CNTN3: variants seen among roughly 807,000 people sequenced by gnomAD.
The protein encoded by CNTN3 is contactin 3.
In CNTN3, 60 loss-of-function variants were observed where a neutral mutation model predicts 119.1. The ratio of observed to expected loss-of-function variants is 0.50; its 90% CI spans 0.41 to 0.62. CNTN3 has a LOEUF of 0.62. Ranked by LOEUF, CNTN3 falls within the 20% of genes least tolerant of loss-of-function variation. The pLI is 0.00. For synonymous variants in CNTN3, 450 were observed against 438.7 expected, an observed-to-expected ratio of 1.03 and a Z score of -0.32; for missense variants, 1,101 against 1,242.4, an observed-to-expected ratio of 0.89 and a Z score of 1.71.
chr3:74,462,827 C>A (rs1164765080), intron 4 of CNTN3, among the ~76,000 whole-genome samples: 1 of 152,096 alleles, frequency 6.6e-6, no homozygotes, highest in East Asian at 1.9e-4. Context: ...AGGATAAAGC[C>A]TGTCCTCACA....
intron 5 of CNTN3, among the ~76,000 whole-genome samples, chr3:74,373,024 G>A (rs755507646): frequency 1.1e-4 from 17 of 152,182 alleles, no homozygotes; most frequent in Non-Finnish European, 2.2e-4. Flanking sequence ...CAGACATCCA[G>A]AAACATTGGT....
At chr3:74,293,396 G>C (rs1702274214) in intron 19 of CNTN3, among the ~76,000 whole-genome samples, 1 of 152,172 alleles carries the variant, frequency 6.6e-6, no homozygotes, top group South Asian at 2.1e-4. Flanking sequence ...TTAAAAAGAA[G>C]GGCAAGGTTA....
At chr3:74,481,497 C>A (rs1036325202) in intron 4 of CNTN3, among the ~76,000 whole-genome samples, 1 of 151,782 alleles carries the variant, frequency 6.6e-6, no homozygotes, top group Non-Finnish European at 1.5e-5. Context: ...CATGTCACGT[C>A]TGATAACTCA....
At chr3:74,565,954 T>C (rs528707782) in intron 1 of CNTN3, among the ~76,000 whole-genome samples, 44 of 152,238 alleles carry the variant, frequency 2.9e-4, no homozygotes, top group African/African-American at 8.7e-4. Flanking sequence ...TGAATAAGTC[T>C]CATGAGATCT....
intron 6 of CNTN3, 85 bp from the exon 7 acceptor site, chr3:74,370,076 C>A: frequency 1.3e-6 from 1 of 750,338 alleles, no homozygotes; most frequent in South Asian, 1.8e-5. Flanking sequence ...TTCTTTTGCT[C>A]CCATTTTGAA....
At chr3:74,433,763 AC>A (rs757176404) in intron 4 of CNTN3, among the ~76,000 whole-genome samples, 3 of 152,134 alleles carry the variant, frequency 2.0e-5, no homozygotes, top group Non-Finnish European at 4.4e-5. Context: ...CCACTCCTCC[AC>A]TGACACAGAA....
chr3:74,264,753 G>A (rs1701636068), intron 22 of CNTN3, among the ~76,000 whole-genome samples: 1 of 152,004 alleles, frequency 6.6e-6, no homozygotes, highest in Non-Finnish European at 1.5e-5. Context: ...ACCTGTCTAG[G>A]TAGTTTTGTT....
intron 13 of CNTN3, among the ~76,000 whole-genome samples, chr3:74,329,799 A>T (rs1019633294): frequency 6.6e-6 from 1 of 152,328 alleles, no homozygotes; most frequent in South Asian, 2.1e-4. Flanking sequence ...AAATATAGGT[A>T]TAATAGAACA....
At chr3:74,342,784 C>G (rs1703579405) in intron 11 of CNTN3, among the ~76,000 whole-genome samples, 1 of 152,144 alleles carries the variant, frequency 6.6e-6, no homozygotes, top group South Asian at 2.1e-4. Context: ...GAAGAAAAGA[C>G]CCCTATAAGG....
intron 5 of CNTN3, among the ~76,000 whole-genome samples, chr3:74,395,261 A>G (rs1705017377): frequency 6.6e-6 from 1 of 152,144 alleles, no homozygotes; most frequent in South Asian, 2.1e-4. Context: ...TACCCAATCA[A>G]CAGCTAAGGG....
chr3:74,580,971 A>C lies in CNTN3; in HGVS notation c.-81+33420T>G, dbSNP rs77340780. 4.5e-3 allele frequency among the ~76,000 whole-genome samples: 690 copies of C among 152,262 alleles called. 18 individuals carry two copies. The highest frequency in any genetic ancestry group is 0.03 in the Admixed American group (456 of 15,294). ...CAGTCTCAAGGAATCTGCCCACCTC[A>C]ACCTCCCAAAGTGCTGCTGGGATTA... On this transcript the variant is annotated intron_variant, in intron 1 of 22. Transcript: ENST00000263665.
chr3:74,278,460 T>A (rs1203438187), intron 20 of CNTN3, among the ~76,000 whole-genome samples: 1 of 152,050 alleles, frequency 6.6e-6, no homozygotes, highest in African/African-American at 2.4e-5. Context: ...CCCAAATACT[T>A]ACAGCCAACT....
intron 4 of CNTN3, among the ~76,000 whole-genome samples, chr3:74,477,219 C>A (rs1702673118): frequency 6.6e-6 from 1 of 152,118 alleles, no homozygotes; most frequent in African/African-American, 2.4e-5. Context: ...GAAGAAGAAC[C>A]TTAGAGGTTT....
intron 13 of CNTN3, among the ~76,000 whole-genome samples, chr3:74,318,663 G>C (rs1702899152): frequency 6.6e-6 from 1 of 152,182 alleles, no homozygotes; most frequent in South Asian, 2.1e-4. Context: ...GGTGGCTGTA[G>C]AACAGTGGAT....
intron 11 of CNTN3, among the ~76,000 whole-genome samples, chr3:74,341,782 A>G (rs949452256): frequency 6.6e-6 from 1 of 152,148 alleles, no homozygotes; most frequent in Non-Finnish European, 1.5e-5. Flanking sequence ...ACATTTAAGC[A>G]TCTATAATAA....
At chr3:74,477,303 C>T (rs1016546105) in intron 4 of CNTN3, among the ~76,000 whole-genome samples, 2 of 152,138 alleles carry the variant, frequency 1.3e-5, no homozygotes, top group South Asian at 2.1e-4. Flanking sequence ...GCTACTGTGT[C>T]TGTGCCTTGA....
chr3:74,517,091 G>C (rs1446088361), intron 2 of CNTN3, among the ~76,000 whole-genome samples: 1 of 151,816 alleles, frequency 6.6e-6, no homozygotes, highest in African/African-American at 2.4e-5. Context: ...TTTAGACAAA[G>C]CTTCACTTTC....
intron 5 of CNTN3, among the ~76,000 whole-genome samples, chr3:74,384,678 A>G (rs937649545): frequency 2.0e-5 from 3 of 152,212 alleles, no homozygotes; most frequent in African/African-American, 7.2e-5. Flanking sequence ...CTGAGGTAAT[A>G]TAAAGATCTT....
intron 1 of CNTN3, among the ~76,000 whole-genome samples, chr3:74,588,399 G>A (rs1179549576): frequency 3.9e-5 from 6 of 151,972 alleles, no homozygotes; most frequent in Non-Finnish European, 5.9e-5. Context: ...AACGTACAAG[G>A]GACGTGAAGG....
Sources: allele counts gnomAD v4.1 joint callset (sites outside exome capture counted in the v4.1 genomes callset), GRCh38; gene constraint gnomAD v4.1.1; transcripts MANE v1.5; gene names NCBI Gene and HGNC (gene_info 2026-07-23, HGNC 2026-07-21).